ACSM3: variants seen among roughly 807,000 people sequenced by gnomAD.
The protein encoded by ACSM3 is acyl-coenzyme A synthetase ACSM3, mitochondrial.
Under a neutral mutation model 74.1 loss-of-function variants are expected in ACSM3, and 61 were observed. The observed-to-expected ratio is 0.82, with a 90% CI of 0.67 to 1.02. The LOEUF is 1.02. Ranked by LOEUF, ACSM3 falls within the 50% of genes least tolerant of loss-of-function variation. The pLI, the probability that ACSM3 is intolerant of heterozygous loss-of-function variation, is 0.00. For missense variants in ACSM3, 660 were observed against 697.0 expected (o/e 0.95, Z 0.60); for synonymous variants, 213 against 241.5 (o/e 0.88, Z 1.09).
At chr16:20,759,212 T>TACCAATG (rs1482363454), upstream of ACSM3, among the ~76,000 whole-genome samples, 1 of 152,140 alleles carries the variant, frequency 6.6e-6, no homozygotes, top group Non-Finnish European at 1.5e-5. Context: ...TTGAGTTAAT[T>TACCAATG]ACCAATGACC....
chr16:20,742,813 A>ATATATATATATATT (rs61582869), intron 1 of ACSM3, among the ~76,000 whole-genome samples: 131 of 66,802 alleles, frequency 2.0e-3, no homozygotes, highest in Non-Finnish European at 3.6e-3. Context: ...ATATATATAT[A>ATATATATATATATT]TTTTTTTTTT....
At chr16:20,714,525 A>G (rs9932874) in intron 1 of ACSM3, among the ~76,000 whole-genome samples, 93,780 of 151,970 alleles carry the variant, frequency 0.62, 30,102 homozygotes, top group Non-Finnish European at 0.72. Flanking sequence ...CTAGGAAAGA[A>G]ATGACAAAAA....
intron 1 of ACSM3, among the ~76,000 whole-genome samples, chr16:20,717,965 A>G (rs868065699): frequency 2.3e-3 from 195 of 84,974 alleles, no homozygotes; most frequent in Middle Eastern, 6.1e-3. Context: ...AGGAAGAAGA[A>G]GAAGAAGAAG....
chr16:20,708,387 T>C (rs1181895617), intron 1 of ACSM3, among the ~76,000 whole-genome samples: 1 of 152,230 alleles, frequency 6.6e-6, no homozygotes, highest in East Asian at 1.9e-4. Flanking sequence ...TTTCTACTTA[T>C]AAGATCCTGT....
Position 20,792,138 on chromosome 16 carries a change from C to A in ACSM3, c.1454+9C>A. The A allele has an allele frequency of 6.2e-7, 1 of 1,614,080 alleles. No homozygotes were observed. The highest frequency in any genetic ancestry group is 8.5e-7 in the Non-Finnish European group (1 of 1,179,988). On this transcript the variant is annotated intron_variant, in intron 11 of 13. Transcript: ENST00000289416. The stretch of plus-strand genomic sequence containing the variant: ...GTCATATTATCCTCTGGGTAACTTT[C>A]TTTTCCATATGTGCATATGTCTGTG...
intron 1 of ACSM3, chr16:20,691,078 G>T: frequency 6.2e-7 from 1 of 1,613,570 alleles, no homozygotes; most frequent in South Asian, 1.1e-5. Flanking sequence ...TCCATCTTGG[G>T]GCTCCAAATT....
chr16:20,685,452 G>A (rs910017131), intron 1 of ACSM3: 4 of 1,558,874 alleles, frequency 2.6e-6, no homozygotes, highest in Admixed American at 3.3e-5. Flanking sequence ...AAAGAAAAAG[G>A]GCACTTAGTA....
At chr16:20,685,484 A>C (rs1596954002) in intron 1 of ACSM3, 1 of 1,313,392 alleles carries the variant, frequency 7.6e-7, no homozygotes, top group Non-Finnish European at 1.1e-6. Context: ...AGCCATAGTC[A>C]CGTTCCAATG....
intron 12 of ACSM3, 191 bp from the exon 13 acceptor site, chr16:20,796,179 C>G: frequency 1.0e-6 from 1 of 960,034 alleles, no homozygotes; most frequent in African/African-American, 1.7e-5. Context: ...TACAGGGGTC[C>G]CAGAAGCTCT....
chr16:20,729,178 C>A, intron 1 of ACSM3: 3 of 677,768 alleles, frequency 4.4e-6, no homozygotes, highest in South Asian at 3.1e-5. Context: ...GAGTGTTATA[C>A]CCATTTCTGT....
chr16:20,702,752 A>C (rs563032083), intron 1 of ACSM3: 1 of 152,242 alleles, frequency 6.6e-6, no homozygotes, highest in African/African-American at 2.4e-5. Context: ...ATTTTCTCCC[A>C]TTCTGTAGGT....
chr16:20,741,857 C>T (rs760417037), intron 1 of ACSM3: 1 of 1,535,920 alleles, frequency 6.5e-7, no homozygotes, highest in South Asian at 1.2e-5. Flanking sequence ...TAGCCGGCCT[C>T]GAAGCCTCAT....
intron 1 of ACSM3, among the ~76,000 whole-genome samples, chr16:20,712,944 A>G (rs967363653): frequency 6.6e-6 from 1 of 151,838 alleles, no homozygotes; most frequent in African/African-American, 2.4e-5. Context: ...AGAGAAGTTT[A>G]TAGAAAGAGA....
intron 1 of ACSM3, among the ~76,000 whole-genome samples, chr16:20,727,792 T>A (rs987160930): frequency 6.6e-6 from 1 of 152,142 alleles, no homozygotes; most frequent in Non-Finnish European, 1.5e-5. Flanking sequence ...CTGTGGGGAA[T>A]TTATTCCAGG....
chr16:20,689,709 T>C (rs1354524467), intron 1 of ACSM3, among the ~76,000 whole-genome samples: 1 of 152,216 alleles, frequency 6.6e-6, no homozygotes, highest in African/African-American at 2.4e-5. Context: ...TGTTCACCCA[T>C]TCACCTCCTC....
At chr16:20,675,624 G>A (rs78791171) in intron 1 of ACSM3, among the ~76,000 whole-genome samples, 7 of 152,308 alleles carry the variant, frequency 4.6e-5, no homozygotes, top group African/African-American at 1.7e-4. Context: ...GATGAAACTG[G>A]ATGTTCAAAA....
chr16:20,681,141 T>C (rs1567306259), intron 1 of ACSM3: 1 of 152,204 alleles, frequency 6.6e-6, no homozygotes, highest in Non-Finnish European at 1.5e-5. Context: ...CCAATCTATA[T>C]GCTCAACTGC....
chr16:20,759,952 C>A (rs2080063463), upstream of ACSM3, among the ~76,000 whole-genome samples: 1 of 151,990 alleles, frequency 6.6e-6, no homozygotes, highest in African/African-American at 2.4e-5. Context: ...CAAGAGGACC[C>A]AAGGAAATCT....
chr16:20,741,906 T>C, intron 1 of ACSM3: 8 of 1,534,268 alleles, frequency 5.2e-6, no homozygotes, highest in Non-Finnish European at 7.0e-6. Context: ...TCTGCAATCG[T>C]GAAAGGGGTG....
Sources: gnomAD v4.1 joint callset for allele counts (sites outside exome capture counted in the v4.1 genomes callset) on GRCh38, gnomAD v4.1.1 for gene constraint, MANE v1.5 for transcripts, NCBI Gene and HGNC (gene_info 2026-07-23, HGNC 2026-07-21) for gene names.